The following TTLL1 variants were observed in gnomAD, a reference collection of about 807,000 sequenced individuals.
The protein encoded by TTLL1 is polyglutamylase complex subunit TTLL1.
Under a neutral mutation model 47.8 loss-of-function variants are expected in TTLL1, and 33 were observed. The ratio of observed to expected loss-of-function variants is 0.69; its 90% CI spans 0.52 to 0.92. The LOEUF is 0.92. Ranked by LOEUF, TTLL1 falls within the 40% of genes least tolerant of loss-of-function variation. The pLI, the probability that TTLL1 is intolerant of heterozygous loss-of-function variation, is 0.00. For synonymous variants in TTLL1, 225 were observed against 214.1 expected (o/e 1.05, Z -0.45); for missense variants, 488 against 547.5 (o/e 0.89, Z 1.08).
chr22:43,085,887 C>A lies in TTLL1; in HGVS notation c.-90+3390G>T, dbSNP rs192618080. ...ACCTCCTGCGGGGCAGCAGAGTGGG[C>A]TGGCTCAGGAGCGGGCTGGCTCAGG... On this transcript the variant is annotated intron_variant, in intron 1 of 10. Coordinates refer to ENST00000266254, the MANE Select transcript of TTLL1 (RefSeq NM_012263.5). 2.6e-5 allele frequency among the ~76,000 whole-genome samples: 4 copies of A among 152,240 alleles called. No homozygotes were observed. In the East Asian group the frequency reaches 7.7e-4, roughly 29 times the overall value.
intron 10 of TTLL1, among the ~76,000 whole-genome samples, chr22:43,040,786 C>T (rs62231637): frequency 6.6e-6 from 1 of 152,176 alleles, no homozygotes; most frequent in Non-Finnish European, 1.5e-5. Context: ...AACGTTCATG[C>T]ATCCTAAGGC....
chr22:43,082,140 C>T (rs1230557639), intron 1 of TTLL1, among the ~76,000 whole-genome samples: 1 of 150,622 alleles, frequency 6.6e-6, no homozygotes, highest in Admixed American at 6.7e-5. Flanking sequence ...GTGTGAGTCA[C>T]CGCACCTGGA....
intron 8 of TTLL1, 38 bp from the exon 9 acceptor site, chr22:43,051,925 TCGAAGGGCGCAGC>T: frequency 6.2e-7 from 1 of 1,601,988 alleles, no homozygotes; most frequent in Non-Finnish European, 8.6e-7. Flanking sequence ...ATGGCCAGCA[TCGAAGGGCGCAGC>T]CGAGACCAAC....
intron 5 of TTLL1, 96 bp downstream of exon 5, chr22:43,068,314 C>T (rs1927881132): frequency 2.7e-6 from 3 of 1,118,364 alleles, no homozygotes. Context: ...GAGACTCTGT[C>T]AAAAAAAAAC....
At chr22:43,087,481 G>A (rs1365326282) in intron 1 of TTLL1, among the ~76,000 whole-genome samples, 6 of 143,890 alleles carry the variant, frequency 4.2e-5, no homozygotes, top group African/African-American at 1.6e-4. Context: ...CTGGCATCAC[G>A]CCACTGCACT....
At chr22:43,086,789 A>C (rs1207638038) in intron 1 of TTLL1, among the ~76,000 whole-genome samples, 1 of 151,860 alleles carries the variant, frequency 6.6e-6, no homozygotes, top group African/African-American at 2.4e-5. Context: ...AGCAGGCCCC[A>C]CTCTGTCCCC....
rs543920558 is a variant in TTLL1 at position 43,070,391 on chromosome 22, C to T, written c.114-547G>A. ...GCCTCTGAGAAAGCCACGGTCTCCCCGCCACACGCCTGTCCTCACCAACCC... is the reference window on the plus strand; with the variant it reads ...GCCTCTGAGAAAGCCACGGTCTCCCTGCCACACGCCTGTCCTCACCAACCC... On this transcript the variant is annotated intron_variant, in intron 3 of 10. Transcript: ENST00000266254. 175 of 397,916 alleles carry T rather than the reference C, an allele frequency of 4.4e-4. 1 individual carries two copies. Among genetic ancestry groups the T allele is most frequent in the Non-Finnish European group, 7.5e-4 (151 of 201,016 alleles). 24.6% of individuals were successfully genotyped at this position (397,916 alleles called of 1,614,324 possible). A position where few individuals can be genotyped will look rare whatever the true frequency, so the allele number is the denominator to read the frequency against.
intron 3 of TTLL1, among the ~76,000 whole-genome samples, chr22:43,073,980 C>A (rs1368064454): frequency 2.0e-5 from 3 of 151,862 alleles, no homozygotes; most frequent in Non-Finnish European, 4.4e-5. Flanking sequence ...CACCACCACA[C>A]CCAGCTAGTT....
intron 10 of TTLL1, among the ~76,000 whole-genome samples, chr22:43,046,112 T>C (rs895656801): frequency 1.3e-5 from 2 of 152,106 alleles, no homozygotes; most frequent in Non-Finnish European, 2.9e-5. Context: ...TCCCAGCTAC[T>C]TGGGAGGCTG....
chr22:43,087,523 CAA>C (rs888525930), intron 1 of TTLL1, among the ~76,000 whole-genome samples: 36 of 83,578 alleles, frequency 4.3e-4, no homozygotes, highest in Admixed American at 9.7e-4. Context: ...GACTCCATCT[CAA>C]AAAAAAAAAA....
intron 10 of TTLL1, chr22:43,040,149 T>C (rs1007244396): frequency 1.7e-5 from 8 of 465,916 alleles, no homozygotes; most frequent in African/African-American, 1.6e-4. Context: ...ACAACCTTGT[T>C]GTTATTGTGG....
At chr22:43,055,785 G>A (rs536183455) in intron 8 of TTLL1, among the ~76,000 whole-genome samples, 6 of 152,044 alleles carry the variant, frequency 3.9e-5, no homozygotes, top group African/African-American at 7.2e-5. Context: ...CTTAATTTTC[G>A]TGGTTGTTTC....
At chr22:43,066,132 C>G (rs1053945330) in intron 5 of TTLL1, among the ~76,000 whole-genome samples, 9 of 146,642 alleles carry the variant, frequency 6.1e-5, no homozygotes, top group African/African-American at 2.0e-4. Flanking sequence ...GCAGTCCAGC[C>G]TGGGAGACAG....
chr22:43,071,045 T>C (rs923312558), intron 3 of TTLL1, among the ~76,000 whole-genome samples: 1 of 152,098 alleles, frequency 6.6e-6, no homozygotes, highest in Non-Finnish European at 1.5e-5. Flanking sequence ...CCCAAGTAGC[T>C]GGGACTACAG....
At chr22:43,080,878 T>C (rs1223737807) in intron 1 of TTLL1, among the ~76,000 whole-genome samples, 1 of 145,588 alleles carries the variant, frequency 6.9e-6, no homozygotes, top group Non-Finnish European at 1.5e-5. Context: ...GGACTCTGAG[T>C]CACCTGTTCC....
Position 43,068,460 on chromosome 22 carries a change from G to A in TTLL1, c.453C>T (p.Ile151=). ...GKAQGKGIFL[I]NKLSQIKKWS... ...ACTTTTTGATCTGTGAGAGCTTGTT[G>A]ATAAGGAAGATGCCCTTTCCCTGGG... Residue 151 remains isoleucine (I), a synonymous_variant, in exon 5 of 11, where the codon ATC becomes ATT. Transcript: ENST00000266254. 1 of 1,562,146 alleles carries A rather than the reference G, an allele frequency of 6.4e-7. No individual in the cohort carries two copies. Among genetic ancestry groups the A allele is most frequent in the Non-Finnish European group, 8.8e-7 (1 of 1,141,594 alleles).
rs549555281 is a variant in TTLL1, at chr22:43,076,356, T to C, written c.-4-766A>G. The stretch of plus-strand genomic sequence containing the variant: ...CCGTAATCCCAACTACTCGGGAGGT[T>C]GAGGCAGGAGAATCGCTTGAACCCG... On this transcript the variant is annotated intron_variant, in intron 2 of 10. Coordinates refer to ENST00000266254, the MANE Select transcript of TTLL1 (RefSeq NM_012263.5). 6.6e-5 allele frequency among the ~76,000 whole-genome samples: 10 copies of C among 152,252 alleles called. No individual in the cohort carries two copies. In the East Asian group the frequency reaches 1.9e-3, roughly 29 times the overall value.
intron 8 of TTLL1, among the ~76,000 whole-genome samples, chr22:43,052,529 C>T (rs1186516758): frequency 1.3e-5 from 2 of 151,718 alleles, no homozygotes; most frequent in East Asian, 3.9e-4. Context: ...CACTTGAGCC[C>T]AGGAGTTTGA....
chr22:43,072,448 C>CCAGCCCA (rs1928194269), intron 3 of TTLL1, among the ~76,000 whole-genome samples: 1 of 152,052 alleles, frequency 6.6e-6, no homozygotes, highest in Non-Finnish European at 1.5e-5. Context: ...GCCACCGCGC[C>CCAGCCCA]TGGCCACCAT....
Sources: allele counts gnomAD v4.1 joint callset (sites outside exome capture counted in the v4.1 genomes callset), GRCh38; gene constraint gnomAD v4.1.1; transcripts MANE v1.5; gene names NCBI Gene and HGNC (gene_info 2026-07-23, HGNC 2026-07-21).